The following KIAA0825 variants were observed in gnomAD, a reference collection of about 807,000 sequenced individuals.
KIAA0825 encodes the protein uncharacterized protein KIAA0825.
A neutral mutation model predicts 147.6 loss-of-function variants in KIAA0825; 119 were observed. The ratio of observed to expected loss-of-function variants is 0.81; its 90% CI spans 0.69 to 0.94. The LOEUF is 0.94. KIAA0825 is among the 40% of genes least tolerant of loss of function. The probability of loss-of-function intolerance (pLI) is 0.00; values close to 1 mark genes in which losing one functional copy is unlikely to be tolerated. For missense variants in KIAA0825, 1,381 were observed against 1,472.7 expected, an observed-to-expected ratio of 0.94 and a Z score of 1.02; for synonymous variants, 470 against 518.1, an observed-to-expected ratio of 0.91 and a Z score of 1.26.
chr5:94,579,389 G>T (rs973080978), intron 2 of KIAA0825, among the ~76,000 whole-genome samples: 16 of 152,178 alleles, frequency 1.1e-4, no homozygotes, highest in Admixed American at 3.9e-4. Context: ...CACATAGAAA[G>T]AACTCAATAA....
chr5:94,466,767 AAG>A (rs1215544066), intron 10 of KIAA0825, among the ~76,000 whole-genome samples: 1 of 151,428 alleles, frequency 6.6e-6, no homozygotes, highest in Non-Finnish European at 1.5e-5. Context: ...AAAAAGATAA[AAG>A]AAATTACAAA....
intron 1 of KIAA0825, among the ~76,000 whole-genome samples, chr5:94,617,532 TA>T (rs3832340): frequency 0.02 from 3,062 of 151,864 alleles, 206 homozygotes; most frequent in East Asian, 0.14. Flanking sequence ...AGCATACCCA[TA>T]AAAAAAATGC....
chr5:94,432,782 T>C (rs1755856804), intron 14 of KIAA0825, among the ~76,000 whole-genome samples: 1 of 152,086 alleles, frequency 6.6e-6, no homozygotes, highest in Non-Finnish European at 1.5e-5. Context: ...TCCCAGCACT[T>C]TGGGAAGCAA....
At chr5:94,537,756 A>G (rs1772380174) in intron 2 of KIAA0825, among the ~76,000 whole-genome samples, 1 of 152,140 alleles carries the variant, frequency 6.6e-6, no homozygotes, top group African/African-American at 2.4e-5. Context: ...GAAGTGACAG[A>G]GCCCACAGAC....
chr5:94,618,213 A>G (rs574059894), intron 1 of KIAA0825: 15 of 152,398 alleles, frequency 9.8e-5, no homozygotes, highest in African/African-American at 3.6e-4. Context: ...GAAACTCGGC[A>G]CAACGCCGAG....
intron 12 of KIAA0825, among the ~76,000 whole-genome samples, chr5:94,458,853 C>T (rs1207018165): frequency 1.3e-5 from 2 of 151,972 alleles, no homozygotes; most frequent in Non-Finnish European, 2.9e-5. Context: ...ACAAGATTTA[C>T]CCACTTAAAG....
At chr5:94,494,286 T>A (rs1165194563) in intron 5 of KIAA0825, among the ~76,000 whole-genome samples, 2 of 151,268 alleles carry the variant, frequency 1.3e-5, no homozygotes, top group Non-Finnish European at 2.9e-5. Flanking sequence ...AAGGGTATAA[T>A]ACTCTTGTCC....
intron 1 of KIAA0825, among the ~76,000 whole-genome samples, chr5:94,611,708 G>A (rs1460149261): frequency 1.3e-5 from 2 of 149,908 alleles, no homozygotes; most frequent in Non-Finnish European, 3.0e-5. Flanking sequence ...CACTTTGGGA[G>A]GCCAAGGCAG....
chr5:94,254,487 A>G (rs1046194679), intron 20 of KIAA0825, among the ~76,000 whole-genome samples: 1 of 152,128 alleles, frequency 6.6e-6, no homozygotes, highest in Admixed American at 6.6e-5. Context: ...CACCTCTACA[A>G]CTAGGCTCTA....
intron 15 of KIAA0825, among the ~76,000 whole-genome samples, chr5:94,410,624 G>T (rs984900539): frequency 3.3e-5 from 5 of 152,096 alleles, no homozygotes; most frequent in Non-Finnish European, 5.9e-5. Context: ...AAAGGAAACA[G>T]ATACTGTAAA....
intron 10 of KIAA0825, among the ~76,000 whole-genome samples, chr5:94,466,186 C>T (rs1760472395): frequency 6.6e-6 from 1 of 151,996 alleles, no homozygotes; most frequent in Non-Finnish European, 1.5e-5. Context: ...TATGTAGACA[C>T]TCCCATTAGT....
In KIAA0825 at chr5:94,549,798, T is replaced by C. The variant is rs185130947; in HGVS notation, c.-1-12671A>G. 4.0e-3 allele frequency among the ~76,000 whole-genome samples: 602 copies of C among 152,188 alleles called. 3 individuals carry two copies. The highest frequency in any genetic ancestry group is 6.1e-3 in the Non-Finnish European group (417 of 68,014). ...AAAGAGGGAAATTCATAGCTTTAAG[T>C]GCTTACATCAAAAAAGAACAAAAAC... On this transcript the variant is annotated intron_variant, in intron 2 of 20. Transcript: ENST00000682413.
At chr5:94,603,782 T>G (rs1561382969) in intron 1 of KIAA0825, among the ~76,000 whole-genome samples, 2 of 152,156 alleles carry the variant, frequency 1.3e-5, no homozygotes, top group Admixed American at 6.5e-5. Flanking sequence ...AATCCTAGTT[T>G]CTGACAAAAG....
intron 18 of KIAA0825, 133 bp downstream of exon 18, chr5:94,391,402 T>C: frequency 2.5e-6 from 2 of 801,878 alleles, no homozygotes; most frequent in Non-Finnish European, 3.9e-6. Flanking sequence ...TAGATTCTAT[T>C]AATAATGCAA....
In KIAA0825 at chr5:94,537,009, GT is replaced by G. The variant is rs1196350246; in HGVS notation, c.117del (p.Glu39AspfsTer7). On this transcript the variant is annotated frameshift_variant, in exon 3 of 21. Transcript: ENST00000682413. LOFTEE classifies it high-confidence loss of function. ...QIFSDIDEKIEQNAASIKHCI... is the reference protein window; with the variant it reads ...QIFSDIDEKIXQNAASIKHCI... ...AACAATATTTACCTTGCAGCATTTT[GT>G]TCAATCTTTTCATCAATGTCACTGA... 2.5e-6 allele frequency: 4 copies of G among 1,600,530 alleles called. No homozygotes were observed. The highest frequency in any genetic ancestry group is 3.4e-6 in the Non-Finnish European group (4 of 1,172,584).
intron 1 of KIAA0825, among the ~76,000 whole-genome samples, chr5:94,586,510 T>C (rs769807138): frequency 6.6e-6 from 1 of 152,126 alleles, no homozygotes; most frequent in Non-Finnish European, 1.5e-5. Context: ...AATCTCTGAA[T>C]AGATGAATAA....
intron 14 of KIAA0825, among the ~76,000 whole-genome samples, chr5:94,422,307 C>A (rs1754294130): frequency 6.6e-6 from 1 of 152,138 alleles, no homozygotes; most frequent in Admixed American, 6.6e-5. Flanking sequence ...AACACAGGGA[C>A]ACAGAGAAGA....
Position 94,179,880 on chromosome 5 carries a change from A to G in KIAA0825, c.3711-25756T>C, listed in dbSNP as rs12654276. ...TACTAATATAAATAATAACTGAGTA[A>G]ATTGGGGAGAAGTGACAATTCTTTC... On this transcript the variant is annotated intron_variant, in intron 20 of 20. Coordinates refer to ENST00000682413, the MANE Select transcript of KIAA0825 (RefSeq NM_001145678.3). Among the ~76,000 whole-genome samples the G allele has an allele frequency of 3.2e-3, 481 of 152,150 alleles. 25 individuals carry two copies. The East Asian group carries it at 0.076, about 24-fold the overall frequency.
chr5:94,529,662 G>A (rs1247891975), intron 3 of KIAA0825, among the ~76,000 whole-genome samples: 5 of 151,940 alleles, frequency 3.3e-5, no homozygotes, highest in African/African-American at 9.7e-5. Flanking sequence ...AATGGAGAAA[G>A]TTTTCCTCTT....
Sources: gnomAD v4.1 joint callset for allele counts (sites outside exome capture counted in the v4.1 genomes callset) on GRCh38, gnomAD v4.1.1 for gene constraint, MANE v1.5 for transcripts, NCBI Gene and HGNC (gene_info 2026-07-23, HGNC 2026-07-21) for gene names.